PPFIA2: variants seen among roughly 807,000 people sequenced by gnomAD.
The protein encoded by PPFIA2 is PPFI scaffold protein A2.
A neutral mutation model predicts 175.5 loss-of-function variants in PPFIA2; 46 were observed. The observed-to-expected ratio is 0.26, with a 90% CI of 0.21 to 0.34. The LOEUF (loss-of-function observed/expected upper bound fraction) is 0.34. Among genes scored for constraint, PPFIA2 ranks in the 10% least tolerant of loss-of-function variants. The pLI, the probability that PPFIA2 is intolerant of heterozygous loss-of-function variation, is 1.00. For missense variants in PPFIA2, 1,179 were observed against 1,506.1 expected, an observed-to-expected ratio of 0.78 and a Z score of 3.60; for synonymous variants, 568 against 511.4, an observed-to-expected ratio of 1.11 and a Z score of -1.49.
chr12:81,264,245 T>C (rs2036535317), intron 30 of PPFIA2, among the ~76,000 whole-genome samples: 1 of 152,198 alleles, frequency 6.6e-6, no homozygotes, highest in Admixed American at 6.5e-5. Flanking sequence ...GCAATTACAT[T>C]TTAATTCTGG....
intron 4 of PPFIA2, among the ~76,000 whole-genome samples, chr12:81,459,207 G>A (rs915105486): frequency 2.6e-5 from 4 of 151,982 alleles, no homozygotes; most frequent in East Asian, 1.9e-4. Flanking sequence ...CCTGATTGCC[G>A]CCTGCTTAAA....
At chr12:81,733,263 A>G (rs966394079) in intron 3 of PPFIA2, among the ~76,000 whole-genome samples, 3 of 151,622 alleles carry the variant, frequency 2.0e-5, no homozygotes, top group African/African-American at 4.8e-5. Context: ...GTACGCATCA[A>G]GTGTTTAATC....
chr12:81,392,401 C>T (rs868327661), intron 8 of PPFIA2, among the ~76,000 whole-genome samples: 1 of 151,786 alleles, frequency 6.6e-6, no homozygotes, highest in Non-Finnish European at 1.5e-5. Flanking sequence ...GTCAGGCAAG[C>T]TATTGTATAA....
intron 7 of PPFIA2, among the ~76,000 whole-genome samples, chr12:81,429,851 G>A (rs1410548586): frequency 1.3e-5 from 2 of 151,994 alleles, no homozygotes; most frequent in African/African-American, 4.8e-5. Context: ...TTAATTTGCT[G>A]GGGTAACTTA....
intron 4 of PPFIA2, among the ~76,000 whole-genome samples, chr12:81,654,060 C>A (rs759536477): frequency 9.4e-4 from 141 of 149,648 alleles, no homozygotes; most frequent in East Asian, 7.9e-4. Flanking sequence ...CAAAAAAAGC[C>A]AGTAAACAAC....
At chr12:81,515,292 C>A (rs1000410736) in intron 4 of PPFIA2, among the ~76,000 whole-genome samples, 18 of 151,818 alleles carry the variant, frequency 1.2e-4, no homozygotes, top group Admixed American at 9.2e-4. Context: ...TCAAAAGAAA[C>A]CTTTCCTGTA....
chr12:81,299,730 A>T (rs537548321), intron 22 of PPFIA2, among the ~76,000 whole-genome samples: 2 of 152,268 alleles, frequency 1.3e-5, no homozygotes, highest in African/African-American at 4.8e-5. Context: ...GCATTATGGG[A>T]TCTAAATGTG....
intron 4 of PPFIA2, among the ~76,000 whole-genome samples, chr12:81,589,122 TG>T (rs1369556815): frequency 6.6e-6 from 1 of 152,076 alleles, no homozygotes; most frequent in African/African-American, 2.4e-5. Context: ...TTACTAATCA[TG>T]GTTTTGTATT....
intron 11 of PPFIA2, among the ~76,000 whole-genome samples, chr12:81,371,774 C>A (rs1595729302): frequency 6.6e-6 from 1 of 151,730 alleles, no homozygotes; most frequent in Middle Eastern, 3.4e-3. Flanking sequence ...AGACTGGGAG[C>A]CCAAAGTAAT....
chr12:81,427,203 A>G (rs1278275665), intron 7 of PPFIA2, among the ~76,000 whole-genome samples: 1 of 152,000 alleles, frequency 6.6e-6, no homozygotes, highest in Non-Finnish European at 1.5e-5. Flanking sequence ...ATACAGGAGG[A>G]AATATTGTTG....
At chr12:81,471,472 C>CTT (rs763523467) in intron 4 of PPFIA2, among the ~76,000 whole-genome samples, 1 of 137,258 alleles carries the variant, frequency 7.3e-6, no homozygotes, top group East Asian at 2.1e-4. Flanking sequence ...CTTGGGTTTC[C>CTT]TTTTTTTTTT....
chr12:81,434,882 A>G (rs1002576152), intron 7 of PPFIA2, among the ~76,000 whole-genome samples: 7 of 152,194 alleles, frequency 4.6e-5, no homozygotes, highest in Non-Finnish European at 8.8e-5. Flanking sequence ...TATGGTATAT[A>G]TACTTGCAAA....
At chr12:81,610,179 T>G (rs2060744955) in intron 4 of PPFIA2, among the ~76,000 whole-genome samples, 1 of 152,134 alleles carries the variant, frequency 6.6e-6, no homozygotes, top group South Asian at 2.1e-4. Context: ...TTGACCTTTA[T>G]CTCTAGCTGC....
chr12:81,642,765 T>TATACATAC (rs1253121742), intron 4 of PPFIA2, among the ~76,000 whole-genome samples: 2 of 7,666 alleles, frequency 2.6e-4, no homozygotes, highest in Non-Finnish European at 4.9e-4. Context: ...CATACATGTA[T>TATACATAC]ATGTATGTAT....
intron 4 of PPFIA2, among the ~76,000 whole-genome samples, chr12:81,508,615 T>G (rs2061448129): frequency 6.6e-6 from 1 of 150,428 alleles, no homozygotes; most frequent in Non-Finnish European, 1.5e-5. Flanking sequence ...TTTTTAAAAT[T>G]TATTTATTAT....
At chr12:81,499,899 T>C (rs1567083527) in intron 4 of PPFIA2, among the ~76,000 whole-genome samples, 6 of 152,132 alleles carry the variant, frequency 3.9e-5, no homozygotes, top group Admixed American at 3.9e-4. Context: ...TTCCTATGCC[T>C]AAGTATCTAC....
chr12:81,452,103 C>A (rs773967972), intron 5 of PPFIA2, among the ~76,000 whole-genome samples: 4 of 152,086 alleles, frequency 2.6e-5, no homozygotes, highest in Non-Finnish European at 5.9e-5. Flanking sequence ...TATTCACACA[C>A]AGACACACAC....
rs1173227798 is a variant in PPFIA2, at chr12:81,622,198, C to T, written c.303+54593G>A. On this transcript the variant is annotated intron_variant, in intron 4 of 32. Coordinates refer to ENST00000549396, the MANE Select transcript of PPFIA2 (RefSeq NM_003625.5). The stretch of plus-strand genomic sequence containing the variant: ...GAAGGTGATGTTTCCCAGGCCAACC[C>T]AATTGGGTATATCAACTTGGGTGAC... Among the ~76,000 whole-genome samples, 4 of 152,140 alleles carry T rather than the reference C, an allele frequency of 2.6e-5. No homozygotes were observed. In the East Asian group the frequency reaches 7.7e-4, roughly 29 times the overall value.
chr12:81,294,599 C>T, intron 24 of PPFIA2: 1 of 518,268 alleles, frequency 1.9e-6, no homozygotes, highest in Middle Eastern at 5.3e-4. Flanking sequence ...AAAATCTAAA[C>T]TTCAGATGCT....
Sources: gnomAD v4.1 joint callset for allele counts (sites outside exome capture counted in the v4.1 genomes callset) on GRCh38, gnomAD v4.1.1 for gene constraint, MANE v1.5 for transcripts, NCBI Gene and HGNC (gene_info 2026-07-23, HGNC 2026-07-21) for gene names.